The following PPP6R3 variants were observed in gnomAD, a reference collection of about 807,000 sequenced individuals.
PPP6R3 encodes the protein serine/threonine-protein phosphatase 6 regulatory subunit 3.
A neutral mutation model predicts 110.7 loss-of-function variants in PPP6R3; 38 were observed. The ratio of observed to expected loss-of-function variants is 0.34; its 90% CI spans 0.26 to 0.45. The LOEUF (loss-of-function observed/expected upper bound fraction) is 0.45, where lower values mean the gene tolerates loss of function less well. Among genes scored for constraint, PPP6R3 ranks in the 20% least tolerant of loss-of-function variants. The probability of loss-of-function intolerance (pLI) is 1.00; values close to 1 mark genes in which losing one functional copy is unlikely to be tolerated. For synonymous variants in PPP6R3, 369 were observed against 373.5 expected (o/e 0.99, Z 0.14); for missense variants, 870 against 1,062.4 (o/e 0.82, Z 2.52).
At position 68,571,478 on chromosome 11, in the gene PPP6R3, G is replaced by A. The variant is rs574404769; in HGVS notation, c.1343+374G>A. Among the ~76,000 whole-genome samples the A allele has an allele frequency of 3.3e-5, 5 of 152,272 alleles. No homozygotes were observed. In the South Asian group the frequency reaches 8.3e-4, roughly 25 times the overall value. On this transcript the variant is annotated intron_variant, in intron 12 of 23. Transcript: ENST00000393800. ...TTATGCTCAGAACAGAAGGTATCAC[G>A]TACATATTTTCATTGTAGAGAAGAG...
intron 10 of PPP6R3, among the ~76,000 whole-genome samples, chr11:68,567,907 A>C (rs2099485116): frequency 6.6e-6 from 1 of 152,136 alleles, no homozygotes; most frequent in Admixed American, 6.5e-5. Context: ...TATTCATGTG[A>C]TCCTGGGTGA....
At chr11:68,516,860 AT>A (rs1470956764) in intron 1 of PPP6R3, among the ~76,000 whole-genome samples, 1 of 151,652 alleles carries the variant, frequency 6.6e-6, no homozygotes, top group Non-Finnish European at 1.5e-5. Flanking sequence ...ATTGACACTT[AT>A]TTCCTGTTTT....
At chr11:68,558,523 A>G (rs760258495) in intron 7 of PPP6R3, 43 bp from the exon 8 acceptor site, 1 of 1,272,860 alleles carries the variant, frequency 7.9e-7, no homozygotes, top group Non-Finnish European at 1.1e-6. Flanking sequence ...GTTGTTGGTG[A>G]TAAGTGATAC....
intron 1 of PPP6R3, among the ~76,000 whole-genome samples, chr11:68,502,767 T>C (rs891222321): frequency 6.6e-6 from 1 of 152,150 alleles, no homozygotes; most frequent in African/African-American, 2.4e-5. Flanking sequence ...GAGGTTTGGT[T>C]GGATGGGCAG....
chr11:68,462,383 G>T (rs190887352), intron 1 of PPP6R3, among the ~76,000 whole-genome samples: 5 of 152,258 alleles, frequency 3.3e-5, no homozygotes, highest in Non-Finnish European at 5.9e-5. Flanking sequence ...AACATTTACC[G>T]GAGTAATTAA....
rs932456719 is a variant in PPP6R3, at chr11:68,614,959, C to T, written c.*1842C>T. The T allele has an allele frequency of 3.1e-5, 19 of 603,758 alleles. No homozygotes were observed. The Middle Eastern group carries it at 1.0e-3, about 33-fold the overall frequency. The allele number at this position is 603,758 out of a possible 1,614,324, so 37.4% of individuals were successfully genotyped here. ...CTCCACTGGTGGCACACGTGGCCTCCGTGGTATGGACCTGGTGGCTTCTCC... is the reference window on the plus strand; with the variant it reads ...CTCCACTGGTGGCACACGTGGCCTCTGTGGTATGGACCTGGTGGCTTCTCC... On this transcript the variant is annotated 3_prime_UTR_variant, in exon 24 of 24. Coordinates refer to ENST00000393800, the MANE Select transcript of PPP6R3 (RefSeq NM_001164161.2).
intron 1 of PPP6R3, among the ~76,000 whole-genome samples, chr11:68,495,448 A>G (rs985970842): frequency 6.6e-6 from 1 of 152,176 alleles, no homozygotes; most frequent in Non-Finnish European, 1.5e-5. Flanking sequence ...GAATATTTTC[A>G]TTATTCCACA....
At chr11:68,611,072 G>A (rs1160316266) in intron 23 of PPP6R3, among the ~76,000 whole-genome samples, 2 of 152,164 alleles carry the variant, frequency 1.3e-5, no homozygotes, top group Non-Finnish European at 2.9e-5. Context: ...TGAGCATGTT[G>A]GCTCTAGTGA....
chr11:68,590,471 C>G (rs1273880816), intron 16 of PPP6R3, among the ~76,000 whole-genome samples, 189 bp from the exon 17 acceptor site: 1 of 152,134 alleles, frequency 6.6e-6, no homozygotes, highest in African/African-American at 2.4e-5. Flanking sequence ...CCCTCCTATC[C>G]TACATAAATT....
intron 1 of PPP6R3, among the ~76,000 whole-genome samples, chr11:68,507,245 C>CTTTTTTTTTTT (rs1565485429): frequency 8.2e-6 from 1 of 121,604 alleles, no homozygotes; most frequent in African/African-American, 3.2e-5. Flanking sequence ...AGTCTTTTTG[C>CTTTTTTTTTTT]ATTTTTTTTT....
chr11:68,564,669 T>A (rs983024865), intron 9 of PPP6R3, among the ~76,000 whole-genome samples: 14 of 152,250 alleles, frequency 9.2e-5, no homozygotes, highest in African/African-American at 3.4e-4. Flanking sequence ...TCTTGGGTAC[T>A]TACATGCCAG....
chr11:68,503,562 G>T (rs1240353688), intron 1 of PPP6R3, among the ~76,000 whole-genome samples: 1 of 152,210 alleles, frequency 6.6e-6, no homozygotes, highest in Non-Finnish European at 1.5e-5. Context: ...CGAGGAGAAT[G>T]TTCTAATGAG....
chr11:68,470,289 T>G (rs1591538215), intron 1 of PPP6R3, among the ~76,000 whole-genome samples: 4 of 148,738 alleles, frequency 2.7e-5, no homozygotes, highest in Admixed American at 6.7e-5. Context: ...ACAGAAGGAG[T>G]GGAGGGACCC....
chr11:68,583,347 G>A (rs2099568659), intron 15 of PPP6R3, among the ~76,000 whole-genome samples: 1 of 152,206 alleles, frequency 6.6e-6, no homozygotes, highest in African/African-American at 2.4e-5. Context: ...TGATAACAGT[G>A]ATGAGTCAAG....
chr11:68,524,514 G>A (rs2099185739), intron 2 of PPP6R3, among the ~76,000 whole-genome samples: 1 of 151,990 alleles, frequency 6.6e-6, no homozygotes, highest in Non-Finnish European at 1.5e-5. Context: ...TATATTCTGG[G>A]ATTTCTTTGC....
chr11:68,523,704 C>A, intron 2 of PPP6R3, among the ~76,000 whole-genome samples: 1 of 25,318 alleles, frequency 3.9e-5, no homozygotes, highest in Admixed American at 4.0e-4. Flanking sequence ...CCCATGCCCC[C>A]CTGCCCCCCC....
At chr11:68,588,949 A>G (rs976321574) in intron 16 of PPP6R3, among the ~76,000 whole-genome samples, 2 of 151,916 alleles carry the variant, frequency 1.3e-5, no homozygotes, top group East Asian at 1.9e-4. Flanking sequence ...GCTCACACCT[A>G]TAATCCCAGC....
At chr11:68,558,976 A>G (rs922823232) in intron 8 of PPP6R3, among the ~76,000 whole-genome samples, 1 of 152,270 alleles carries the variant, frequency 6.6e-6, no homozygotes, top group African/African-American at 2.4e-5. Flanking sequence ...AAAAACATGT[A>G]TAATGGCTGA....
chr11:68,604,338 GAGAA>G (rs1332073929), intron 22 of PPP6R3, among the ~76,000 whole-genome samples: 1 of 152,200 alleles, frequency 6.6e-6, no homozygotes, highest in Non-Finnish European at 1.5e-5. Flanking sequence ...CAGACAAAAG[GAGAA>G]AAGCATTTGA....
Sources: gnomAD v4.1 joint callset for allele counts (sites outside exome capture counted in the v4.1 genomes callset) on GRCh38, gnomAD v4.1.1 for gene constraint, MANE v1.5 for transcripts, NCBI Gene and HGNC (gene_info 2026-07-23, HGNC 2026-07-21) for gene names.